The following ARMC5 variants were observed in gnomAD, a reference collection of about 807,000 sequenced individuals.
The protein encoded by ARMC5 is armadillo repeat containing 5.
ARMC5 carries 28 observed loss-of-function variants against 60.5 expected under a neutral mutation model. That is an observed-to-expected ratio of 0.46 (90% CI 0.34 to 0.63). ARMC5 has a LOEUF of 0.63. ARMC5 is among the 30% of genes least tolerant of loss of function. The pLI, the probability that ARMC5 is intolerant of heterozygous loss-of-function variation, is 0.01. For synonymous variants in ARMC5, 680 were observed against 607.3 expected (o/e 1.12, Z -1.76); for missense variants, 1,189 against 1,304.9 (o/e 0.91, Z 1.37).
rs768776476 is a variant in ARMC5, at chr16:31,462,378, A to G, written c.831A>G (p.Leu277=). 1.9e-6 allele frequency: 3 copies of G among 1,609,480 alleles called. No individual in the cohort carries two copies. Among genetic ancestry groups the G allele is most frequent in the Non-Finnish European group, 2.5e-6 (3 of 1,177,230 alleles). ...RGCSRACAEQ[L]SLGGGLGPLV... is the part of the protein sequence containing the mutation. ...GCTCCCGGGCCTGTGCTGAGCAGCT[A>G]AGTCTGGGTGGGGGATTGGGCCCAC... Residue 277 remains leucine (L), a synonymous_variant, in exon 3 of 6, where the codon CTA becomes CTG. Coordinates refer to ENST00000268314, the MANE Select transcript of ARMC5 (RefSeq NM_001105247.2). The surrounding 1 kb of genome is among the most constrained non-coding windows in gnomAD (Gnocchi z 7.2).
intron 3 of ARMC5, among the ~76,000 whole-genome samples, 180 bp downstream of exon 3, chr16:31,463,097 A>G (rs4262961): frequency 0.88 from 133,227 of 151,318 alleles, 58,948 homozygotes; most frequent in African/African-American, 0.96. Context: ...CACTCCCCTG[A>G]GTCTACCTTT....
Position 31,462,547 on chromosome 16 carries a change from C to G in ARMC5, c.1000C>G (p.Arg334Gly), listed in dbSNP as rs539440145. Reference sequence around the variant, plus strand: ...GGTGCTGGTAGATGAGCTCCGGCAGCGCCGGGATCCTAATGGAGCTAGCCC... The same window carrying G: ...GGTGCTGGTAGATGAGCTCCGGCAGGGCCGGGATCCTAATGGAGCTAGCCC... ...VEVLVDELRQ[R>G]RDPNGASPTS... Residue 334 changes from arginine to glycine, a missense_variant, in exon 3 of 6, where the codon CGC (arginine) becomes GGC (glycine). Physicochemically the swap from Arg to Gly is moderately radical, Grantham distance 125. Around this residue, in one of 2 missense-constraint regions of ARMC5, gnomAD observed 862 missense variants for 1,071.2 expected, o/e 0.80. Transcript: ENST00000268314. This position sits in a 1 kb window ranked among gnomAD's most constrained non-coding sequence, Gnocchi z 7.2. 6.2e-7 allele frequency: 1 copy of G among 1,610,602 alleles called. No homozygotes were observed. The highest frequency in any genetic ancestry group is 8.5e-7 in the Non-Finnish European group (1 of 1,179,762).
At position 31,466,530 on chromosome 16, in the gene ARMC5, C is replaced by T. The variant is rs556386398; in HGVS notation, c.2449C>T (p.Leu817=). The change falls in exon 6 of 6, where the codon CTG becomes TTG. Residue 817 remains leucine, a synonymous_variant. Coordinates refer to ENST00000268314, the MANE Select transcript of ARMC5 (RefSeq NM_001105247.2). The surrounding 1 kb of genome is among the most constrained non-coding windows in gnomAD (Gnocchi z 8.0). The part of the protein sequence containing the change: ...LHGCRGCGAA[L]GPVPPPGQPL... ...TGGTTGTCGGGGGTGTGGGGCTGCC[C>T]TGGGGCCCGTGCCCCCACCAGGCCA... The T allele has an allele frequency of 1.6e-4, 254 of 1,608,482 alleles. No homozygotes were observed. Among genetic ancestry groups the T allele is most frequent in the Non-Finnish European group, 2.0e-4 (237 of 1,179,434 alleles).
upstream of ARMC5, chr16:31,458,972 T>A: frequency 6.5e-7 from 1 of 1,535,576 alleles, no homozygotes; most frequent in African/African-American, 1.4e-5. Flanking sequence ...CAGCGAACGT[T>A]CTCGGTAGGT....
At position 31,466,854 on chromosome 16, in the gene ARMC5, A is replaced by G. The variant is rs1596608302; in HGVS notation, c.2773A>G (p.Met925Val). ...PLTEALLAVV[M>V]GIELGARVPA ...GACGGAGGCTTTGCTGGCTGTGGTG[A>G]TGGGGATTGAGTTGGGGGCAAGGGT... is the stretch of plus-strand genomic sequence containing the variant. Residue 925 changes from methionine (M) to valine (V), a missense_variant, in exon 6 of 6, where the codon ATG becomes GTG. Physicochemically the swap from Met to Val is conservative, Grantham distance 21 (BLOSUM62 1). Transcript: ENST00000268314. This position sits in a 1 kb window ranked among gnomAD's most constrained non-coding sequence, Gnocchi z 8.0. 6.3e-7 allele frequency: 1 copy of G among 1,588,268 alleles called. No homozygotes were observed. The highest frequency in any genetic ancestry group is 8.6e-7 in the Non-Finnish European group (1 of 1,168,648).
Position 31,464,392 on chromosome 16 carries a change from A to G in ARMC5, c.1371-2A>G. 6.6e-7 allele frequency: 1 copy of G among 1,511,566 alleles called. No homozygotes were observed. 93.6% of individuals were successfully genotyped at this position (1,511,566 alleles called of 1,614,324 possible). A position where few individuals can be genotyped will look rare whatever the true frequency, so the allele number is the denominator to read the frequency against. On this transcript the variant is annotated splice_acceptor_variant, in intron 3 of 5. Coordinates refer to ENST00000268314, the MANE Select transcript of ARMC5 (RefSeq NM_001105247.2). LOFTEE classifies it high-confidence loss of function. This position sits in a 1 kb window ranked among gnomAD's most constrained non-coding sequence, Gnocchi z 7.6. ...GTCTCCTTCCCTTTCTGCCCTCCGC[A>G]GGTCGTGGCTGATCTCCGAGGGCTA...
At chr16:31,458,758 G>A (rs1196045267), upstream of ARMC5, 2 of 1,488,998 alleles carry the variant, frequency 1.3e-6, no homozygotes, top group Non-Finnish European at 1.8e-6. Flanking sequence ...GGACGCGAAT[G>A]TCCCGCTCCC....
chr16:31,464,860 A>G lies in ARMC5; in HGVS notation c.1837A>G (p.Thr613Ala), dbSNP rs1596605669. 6.3e-7 allele frequency: 1 copy of G among 1,598,362 alleles called. No individual in the cohort carries two copies. Among genetic ancestry groups the G allele is most frequent in the Admixed American group, 1.7e-5 (1 of 59,750 alleles). Residue 613 changes from threonine (T) to alanine (A), a missense_variant, in exon 4 of 6, where the codon ACT becomes GCT. Transcript: ENST00000268314. The surrounding 1 kb of genome is among the most constrained non-coding windows in gnomAD (Gnocchi z 7.6). The part of the protein sequence containing the change: ...DDWPAPRARP[T>A]LHSRHRELGE... ...TTGGCCGGCACCACGTGCCCGGCCC[A>G]CTCTCCACAGCCGGCACCGAGAGCT...
At chr16:31,458,526 G>GTCA, upstream of ARMC5, 1 of 1,532,158 alleles carries the variant, frequency 6.5e-7, no homozygotes, top group Non-Finnish European at 8.7e-7. Context: ...CAGAGGGGCT[G>GTCA]CCTTGGTGGT....
upstream of ARMC5, chr16:31,459,238 T>G: frequency 6.5e-7 from 1 of 1,532,722 alleles, no homozygotes. Flanking sequence ...TGGAGGGCCC[T>G]GGAAGAGTTT....
intron 1 of ARMC5, among the ~76,000 whole-genome samples, chr16:31,460,946 C>T (rs1247558472): frequency 6.6e-6 from 1 of 152,196 alleles, no homozygotes; most frequent in Non-Finnish European, 1.5e-5. Flanking sequence ...TTGATGACAT[C>T]TTAACTTTTC....
chr16:31,466,490 C>T lies in ARMC5; in HGVS notation c.2409C>T (p.Val803=), dbSNP rs369927668. The change falls in exon 6 of 6, where the codon GTC becomes GTT. Residue 803 remains valine (V), a synonymous_variant. Transcript: ENST00000268314. The surrounding 1 kb of genome is among the most constrained non-coding windows in gnomAD (Gnocchi z 8.0). The stretch of plus-strand genomic sequence containing the variant: ...TGTCGCCTGGTGCAGCCTGGCCTGT[C>T]CTGCATCATTTGCATGGTTGTCGGG... ...RGLSPGAAWP[V]LHHLHGCRGC... The T allele has an allele frequency of 5.0e-6, 8 of 1,611,000 alleles. No homozygotes were observed. Among genetic ancestry groups the T allele is most frequent in the Non-Finnish European group, 6.8e-6 (8 of 1,179,796 alleles).
Position 31,464,491 on chromosome 16 carries a change from A to G in ARMC5, c.1468A>G (p.Ser490Gly). The G allele has an allele frequency of 6.2e-7, 1 of 1,606,792 alleles. No individual in the cohort carries two copies. Among genetic ancestry groups the G allele is most frequent in the Non-Finnish European group, 8.5e-7 (1 of 1,177,212 alleles). The change falls in exon 4 of 6, where the codon AGC becomes GGC. Residue 490 changes from serine to glycine, a missense_variant. Coordinates refer to ENST00000268314, the MANE Select transcript of ARMC5 (RefSeq NM_001105247.2). This position sits in a 1 kb window ranked among gnomAD's most constrained non-coding sequence, Gnocchi z 7.6. Reference protein sequence around the residue: ...QCPPEPMEPASPAPTPTSLRA... With the variant: ...QCPPEPMEPAGPAPTPTSLRA... ...TCCGCCGGAGCCCATGGAGCCGGCCAGCCCCGCCCCGACCCCGACCTCGCT... is the reference window on the plus strand; with the variant it reads ...TCCGCCGGAGCCCATGGAGCCGGCCGGCCCCGCCCCGACCCCGACCTCGCT...
At position 31,462,262 on chromosome 16, in the gene ARMC5, G is replaced by A; in HGVS notation, c.715G>A (p.Val239Met). The A allele has an allele frequency of 6.2e-7, 1 of 1,609,716 alleles. No homozygotes were observed. The highest frequency in any genetic ancestry group is 8.5e-7 in the Non-Finnish European group (1 of 1,179,970). Residue 239 changes from valine to methionine, a missense_variant, in exon 3 of 6, where the codon GTG (valine) becomes ATG (methionine). Physicochemically the swap from Val to Met is conservative, Grantham distance 21 (BLOSUM62 1). Coordinates refer to ENST00000268314, the MANE Select transcript of ARMC5 (RefSeq NM_001105247.2). This position sits in a 1 kb window ranked among gnomAD's most constrained non-coding sequence, Gnocchi z 7.2. ...HRLALAQQGA[V>M]RPLAELLATA... ...CCTGGCCTTGGCACAGCAGGGAGCA[G>A]TGCGTCCGCTGGCCGAGCTCCTGGC...
intron 4 of ARMC5, 139 bp downstream of exon 4, chr16:31,465,026 G>T (rs887250403): frequency 1.2e-6 from 2 of 1,612,508 alleles, no homozygotes; most frequent in African/African-American, 1.3e-5. Flanking sequence ...TCACCAGAGT[G>T]GGGTGGGGAG....
In ARMC5 at chr16:31,465,438, C is replaced by A. The variant is rs1185985123; in HGVS notation, c.1865-412C>A. The A allele has an allele frequency of 3.8e-6, 4 of 1,039,760 alleles. No individual in the cohort carries two copies. In the Admixed American group the frequency reaches 1.4e-4, roughly 36 times the overall value. 64.4% of individuals were successfully genotyped at this position (1,039,760 alleles called of 1,614,324 possible). The stretch of plus-strand genomic sequence containing the variant: ...TATCTCTGTATGGCCTGGTTTTTCC[C>A]AGGTTATGATTATAGAGCGAGGATT... On this transcript the variant is annotated intron_variant, in intron 4 of 5. Transcript: ENST00000268314.
Position 31,459,625 on chromosome 16 carries a change from C to T in ARMC5, c.101C>T (p.Ala34Val), listed in dbSNP as rs2082281709. 1 of 1,597,782 alleles carries T rather than the reference C, an allele frequency of 6.3e-7. No homozygotes were observed. Among genetic ancestry groups the T allele is most frequent in the South Asian group, 1.1e-5 (1 of 90,806 alleles). The change falls in exon 1 of 6, where the codon GCG becomes GTG. Residue 34 changes from alanine to valine, a missense_variant. Ala to Val is a moderately conservative substitution (Grantham distance 64, BLOSUM62 0). Coordinates refer to ENST00000268314, the MANE Select transcript of ARMC5 (RefSeq NM_001105247.2). The part of the protein sequence containing the change: ...GEALGGEKDP[A>V]TNETPLSRAL... Reference sequence around the variant, plus strand: ...GCTCTGGGTGGGGAAAAGGACCCAGCGACCAACGAGACACCCCTGAGCCGC... The same window carrying T: ...GCTCTGGGTGGGGAAAAGGACCCAGTGACCAACGAGACACCCCTGAGCCGC...
chr16:31,459,201 T>C, upstream of ARMC5: 1 of 1,531,046 alleles, frequency 6.5e-7, no homozygotes, highest in Admixed American at 2.0e-5. Flanking sequence ...GTCGGACTTC[T>C]GGGCTGTTCG....
At chr16:31,463,058 C>G (rs1169845171) in intron 3 of ARMC5, 141 bp downstream of exon 3, 1 of 889,980 alleles carries the variant, frequency 1.1e-6, no homozygotes, top group African/African-American at 1.7e-5. Context: ...TCCCACACGA[C>G]CACCTGCCAG....
Sources: gnomAD v4.1 joint callset for allele counts (sites outside exome capture counted in the v4.1 genomes callset) on GRCh38, gnomAD v4.1.1 for gene constraint, gnomAD v4.1.1 regional missense constraint, Gnocchi (gnomAD v3.1) non-coding constraint, MANE v1.5 for transcripts, NCBI Gene and HGNC (gene_info 2026-07-23, HGNC 2026-07-21) for gene names.